The following NAV2 variants were observed in gnomAD, a reference collection of about 807,000 sequenced individuals.
NAV2 encodes the protein helicase, APC down-regulated 1.
Under a neutral mutation model 223.2 loss-of-function variants are expected in NAV2, and 54 were observed. The ratio of observed to expected loss-of-function variants is 0.24; its 90% CI spans 0.19 to 0.30. The LOEUF is 0.30. Ranked by LOEUF, NAV2 falls within the 10% of genes least tolerant of loss-of-function variation. The probability of loss-of-function intolerance (pLI) is 1.00; values close to 1 mark genes in which losing one functional copy is unlikely to be tolerated. For synonymous variants in NAV2, 1,279 were observed against 1,239.3 expected (o/e 1.03, Z -0.67); for missense variants, 2,806 against 3,147.5 (o/e 0.89, Z 2.60).
chr11:19,440,176 C>A (rs1314938975), intron 1 of NAV2, among the ~76,000 whole-genome samples: 1 of 152,160 alleles, frequency 6.6e-6, no homozygotes, highest in Non-Finnish European at 1.5e-5. Context: ...GACGTGGTTG[C>A]TGTCTGCATG....
Position 19,713,738 on chromosome 11 carries a change from C to G in NAV2, c.43C>G (p.Pro15Ala). 1 of 1,609,276 alleles carries G rather than the reference C, an allele frequency of 6.2e-7. No individual in the cohort carries two copies. The highest frequency in any genetic ancestry group is 1.3e-5 in the African/African-American group (1 of 74,970). Residue 15 changes from proline (P) to alanine (A), a missense_variant, in exon 1 of 38, where the codon CCC becomes GCC. Transcript: ENST00000349880. This position sits in a 1 kb window ranked among gnomAD's most constrained non-coding sequence, Gnocchi z 7.2. ...LVASKMKSGL[P>A]KPVHSAAPIL... The stretch of plus-strand genomic sequence containing the variant: ...CGCCTCCAAAATGAAGTCGGGACTG[C>G]CCAAACCCGTGCACAGCGCCGCGCC...
rs183793569 is a variant in NAV2, at chr11:19,736,155, A to G, written c.267+22193A>G. Among the ~76,000 whole-genome samples, 179 of 152,364 alleles carry G rather than the reference A, an allele frequency of 1.2e-3. 1 individual carries two copies. Among genetic ancestry groups the G allele is most frequent in the Non-Finnish European group, 1.8e-3 (125 of 68,044 alleles). ...AGTGACCCTATATCTCACCCTCTCT[A>G]TAGCAACTAGCTCCAGACACAAACT... On this transcript the variant is annotated intron_variant, in intron 1 of 37. Transcript: ENST00000349880.
At chr11:19,349,559 G>A (rs892155123), upstream of NAV2, among the ~76,000 whole-genome samples, 2 of 152,198 alleles carry the variant, frequency 1.3e-5, no homozygotes, top group South Asian at 2.1e-4. Context: ...GGCATGGCCT[G>A]AATTGTAGAA....
intron 3 of NAV2, among the ~76,000 whole-genome samples, chr11:19,850,045 C>T (rs2061025209): frequency 6.6e-6 from 1 of 152,214 alleles, no homozygotes; most frequent in Admixed American, 6.5e-5. Context: ...AAACTCTACA[C>T]CCCAGCGAGA....
At chr11:19,688,479 G>A (rs1463824549) in intron 1 of NAV2, among the ~76,000 whole-genome samples, 1 of 152,036 alleles carries the variant, frequency 6.6e-6, no homozygotes, top group Non-Finnish European at 1.5e-5. Context: ...CATCTTTCCG[G>A]GCATCAAGTT....
intron 10 of NAV2, among the ~76,000 whole-genome samples, chr11:19,970,652 A>G (rs751514269): frequency 2.6e-5 from 4 of 152,202 alleles, no homozygotes; most frequent in Non-Finnish European, 4.4e-5. Context: ...GAGCACAAGA[A>G]GAAAGACAAG....
chr11:19,368,574 T>C (rs1015397016), intron 1 of NAV2, among the ~76,000 whole-genome samples: 1 of 152,288 alleles, frequency 6.6e-6, no homozygotes, highest in East Asian at 1.9e-4. Flanking sequence ...AATGTTGTTA[T>C]GAGGATTAGA....
chr11:19,350,085 C>CTGATGATGATAA (rs1853224034), upstream of NAV2, among the ~76,000 whole-genome samples: 1 of 149,624 alleles, frequency 6.7e-6, no homozygotes, highest in Non-Finnish European at 1.5e-5. Flanking sequence ...CCTTATTCCT[C>CTGATGATGATAA]TGATGATGAT....
intron 1 of NAV2, among the ~76,000 whole-genome samples, chr11:19,396,340 CCAACATGATGTG>C (rs1849447431): frequency 6.6e-6 from 1 of 152,086 alleles, no homozygotes; most frequent in African/African-American, 2.4e-5. Flanking sequence ...AAGCAGGGGC[CCAACATGATGTG>C]TGAGACCAGG....
At chr11:19,812,971 C>T (rs1266945493) in intron 1 of NAV2, among the ~76,000 whole-genome samples, 1 of 152,104 alleles carries the variant, frequency 6.6e-6, no homozygotes, top group Non-Finnish European at 1.5e-5. Context: ...CTTCTAATAA[C>T]CTTCCACCTG....
chr11:19,880,053 T>C lies in NAV2; in HGVS notation c.696T>C (p.Thr232=). The change falls in exon 5 of 38, where the codon ACT becomes ACC. Residue 232 remains threonine, a synonymous_variant. Transcript: ENST00000349880. ...AGTPQQQVPV[T]PQAPCQPHQP... is the part of the protein sequence containing the mutation. ...CCCCTCAGCAGCAGGTGCCAGTCACTCCCCAAGCCCCGTGCCAGCCTCACC... is the reference window on the plus strand; with the variant it reads ...CCCCTCAGCAGCAGGTGCCAGTCACCCCCCAAGCCCCGTGCCAGCCTCACC... The C allele has an allele frequency of 6.2e-7, 1 of 1,613,344 alleles. No homozygotes were observed. The highest frequency in any genetic ancestry group is 8.5e-7 in the Non-Finnish European group (1 of 1,179,614).
intron 1 of NAV2, among the ~76,000 whole-genome samples, chr11:19,498,341 A>G (rs544357215): frequency 1.3e-5 from 2 of 152,340 alleles, no homozygotes; most frequent in South Asian, 4.1e-4. Flanking sequence ...CACAGTCTTT[A>G]GAAAATTGGC....
At chr11:19,555,312 AAAGCAGGCCAGG>A (rs2044844208) in intron 1 of NAV2, among the ~76,000 whole-genome samples, 2 of 152,212 alleles carry the variant, frequency 1.3e-5, no homozygotes, top group African/African-American at 4.8e-5. Flanking sequence ...CCCACTGGGG[AAAGCAGGCCAGG>A]TCTGTGCACT....
chr11:19,821,376 C>T (rs1224994583), intron 1 of NAV2, among the ~76,000 whole-genome samples: 1 of 152,014 alleles, frequency 6.6e-6, no homozygotes, highest in Non-Finnish European at 1.5e-5. Flanking sequence ...CTGTTTCTCC[C>T]AGCACGTTCA....
At chr11:19,414,683 A>C (rs756872791) in intron 1 of NAV2, among the ~76,000 whole-genome samples, 3 of 152,200 alleles carry the variant, frequency 2.0e-5, no homozygotes, top group Admixed American at 6.5e-5. Flanking sequence ...AAAACTGACC[A>C]CATAATTGAA....
intron 1 of NAV2, among the ~76,000 whole-genome samples, chr11:19,456,208 A>G (rs560491723): frequency 2.0e-5 from 3 of 152,216 alleles, no homozygotes; most frequent in Admixed American, 6.5e-5. Context: ...GCGTGCATTT[A>G]AAGGATACCT....
In NAV2 at chr11:20,049,798, C is replaced by A. The variant is rs751376430; in HGVS notation, c.4371-38C>A. 4 of 1,591,702 alleles carry A rather than the reference C, an allele frequency of 2.5e-6. No individual in the cohort carries two copies. In the East Asian group the frequency reaches 6.7e-5, roughly 27 times the overall value. On this transcript the variant is annotated intron_variant, in intron 15 of 37. Coordinates refer to ENST00000349880, the MANE Select transcript of NAV2 (RefSeq NM_145117.5). ...ACACCTCTCCTTTCTTCCAAGCTAA[C>A]GTTCCTTCTCTTGTTTTCTACCTGC...
At chr11:19,828,823 G>T (rs1444557106) in intron 1 of NAV2, among the ~76,000 whole-genome samples, 1 of 152,206 alleles carries the variant, frequency 6.6e-6, no homozygotes, top group Non-Finnish European at 1.5e-5. Context: ...GTTTGGCATT[G>T]GTGTGTAGGT....
chr11:19,945,205 T>TTCCCTTCC (rs1565615394), intron 8 of NAV2, among the ~76,000 whole-genome samples: 976 of 40,320 alleles, frequency 0.024, 36 homozygotes, highest in Non-Finnish European at 0.038. Context: ...CCCTTCCCTT[T>TTCCCTTCC]CTTTCCTTTC....
Sources: gnomAD v4.1 joint callset for allele counts (sites outside exome capture counted in the v4.1 genomes callset) on GRCh38, gnomAD v4.1.1 for gene constraint, Gnocchi (gnomAD v3.1) non-coding constraint, MANE v1.5 for transcripts, NCBI Gene and HGNC (gene_info 2026-07-23, HGNC 2026-07-21) for gene names.